The following CACNA2D3 variants were observed in gnomAD, a reference collection of about 807,000 sequenced individuals.
CACNA2D3 encodes voltage-dependent calcium channel subunit alpha-2/delta-3.
In CACNA2D3, 60 loss-of-function variants were observed where a neutral mutation model predicts 160.6. The observed-to-expected ratio is 0.37, with a 90% CI of 0.30 to 0.46. The LOEUF is 0.46. CACNA2D3 is among the 20% of genes least tolerant of loss of function. CACNA2D3 has a pLI of 1.00. For missense variants in CACNA2D3, 1,205 were observed against 1,365.0 expected (o/e 0.88, Z 1.85); for synonymous variants, 558 against 492.9 (o/e 1.13, Z -1.75).
chr3:54,618,907 T>C (rs1430094704), intron 9 of CACNA2D3, among the ~76,000 whole-genome samples: 2 of 152,164 alleles, frequency 1.3e-5, no homozygotes, highest in African/African-American at 4.8e-5. Context: ...TTGTAATGAA[T>C]TGAAACTGAC....
At chr3:55,073,673 G>GGAGA in intron 36 of CACNA2D3, 104 bp from the exon 37 acceptor site, 1 of 1,236,872 alleles carries the variant, frequency 8.1e-7, no homozygotes, top group Non-Finnish European at 1.2e-6. Flanking sequence ...TTCCACTGTT[G>GGAGA]GAGAGAGAGA....
rs60325921 is a variant in CACNA2D3, at chr3:54,308,435, C to A, written c.205-12007C>A. 8.1e-3 allele frequency among the ~76,000 whole-genome samples: 1,227 copies of A among 152,214 alleles called. 18 individuals carry two copies. The highest frequency in any genetic ancestry group is 0.062 in the East Asian group (322 of 5,162). ...TACACTTTCTCCACTCCCTCTCCCC[C>A]AATCGGCTGGCTGAATGTGGAAGAC... On this transcript the variant is annotated intron_variant, in intron 2 of 37. Coordinates refer to ENST00000474759, the MANE Select transcript of CACNA2D3 (RefSeq NM_018398.3).
intron 9 of CACNA2D3, among the ~76,000 whole-genome samples, chr3:54,614,234 C>T (rs934807209): frequency 7.9e-5 from 12 of 152,312 alleles, no homozygotes; most frequent in African/African-American, 1.9e-4. Context: ...GACCAGAGGA[C>T]GTTGTACCTA....
At chr3:54,421,129 C>T (rs997462920) in intron 4 of CACNA2D3, among the ~76,000 whole-genome samples, 4 of 152,160 alleles carry the variant, frequency 2.6e-5, no homozygotes, top group African/African-American at 7.2e-5. Context: ...AAGAGGCACC[C>T]GTGGTCAGAT....
At chr3:54,249,558 T>TACACAC (rs149515122) in intron 2 of CACNA2D3, among the ~76,000 whole-genome samples, 2,217 of 123,814 alleles carry the variant, frequency 0.018, 87 homozygotes, top group South Asian at 0.025. Context: ...TCTGTTTACG[T>TACACAC]ACACACACAC....
chr3:54,866,581 A>T (rs1246687413), intron 17 of CACNA2D3, among the ~76,000 whole-genome samples: 3 of 152,148 alleles, frequency 2.0e-5, no homozygotes, highest in Non-Finnish European at 4.4e-5. Context: ...TTATTAGCAC[A>T]CACAATATTT....
intron 4 of CACNA2D3, among the ~76,000 whole-genome samples, chr3:54,402,662 A>G (rs929106026): frequency 3.9e-5 from 6 of 152,246 alleles, no homozygotes; most frequent in Admixed American, 3.3e-4. Context: ...GGAGAAATAG[A>G]CAGCAATACA....
intron 4 of CACNA2D3, among the ~76,000 whole-genome samples, chr3:54,405,190 G>T (rs1245531597): frequency 6.7e-6 from 1 of 149,340 alleles, no homozygotes; most frequent in African/African-American, 2.5e-5. Flanking sequence ...AATCCCAATG[G>T]CATTCTTCAC....
intron 11 of CACNA2D3, among the ~76,000 whole-genome samples, chr3:54,664,512 T>A (rs979555114): frequency 6.6e-6 from 1 of 152,244 alleles, no homozygotes; most frequent in South Asian, 2.1e-4. Context: ...TGAAGCTAAT[T>A]TATCCAGGAG....
At chr3:54,812,596 A>G (rs1703347323) in intron 13 of CACNA2D3, among the ~76,000 whole-genome samples, 1 of 152,162 alleles carries the variant, frequency 6.6e-6, no homozygotes, top group African/African-American at 2.4e-5. Flanking sequence ...ACTCTTCCAT[A>G]AGGAGTCGTG....
intron 35 of CACNA2D3, among the ~76,000 whole-genome samples, chr3:55,036,000 G>A (rs958051565): frequency 4.6e-5 from 7 of 152,218 alleles, no homozygotes; most frequent in Non-Finnish European, 8.8e-5. Context: ...TTGCTGTGTA[G>A]ATACAACATC....
intron 9 of CACNA2D3, among the ~76,000 whole-genome samples, chr3:54,614,548 C>A (rs371946080): frequency 6.6e-6 from 1 of 152,196 alleles, no homozygotes; most frequent in African/African-American, 2.4e-5. Flanking sequence ...TTCTTCTTTG[C>A]CCTTTTACTT....
chr3:54,559,649 T>C (rs946496341), intron 5 of CACNA2D3, among the ~76,000 whole-genome samples: 8 of 152,316 alleles, frequency 5.3e-5, no homozygotes, highest in South Asian at 2.1e-4. Flanking sequence ...ATAGACACAC[T>C]TGTGTCATGG....
intron 2 of CACNA2D3, among the ~76,000 whole-genome samples, chr3:54,284,721 C>T (rs1338535702): frequency 6.6e-6 from 1 of 152,140 alleles, no homozygotes; most frequent in African/African-American, 2.4e-5. Context: ...CGTCCAATTA[C>T]CTGCTGCAAT....
intron 35 of CACNA2D3, among the ~76,000 whole-genome samples, chr3:55,022,900 G>A (rs1380872488): frequency 1.3e-5 from 2 of 151,852 alleles, no homozygotes; most frequent in African/African-American, 4.8e-5. Flanking sequence ...GTTCTACTGT[G>A]TTTTTAACCC....
intron 2 of CACNA2D3, among the ~76,000 whole-genome samples, chr3:54,293,024 A>C (rs894227548): frequency 2.0e-5 from 3 of 152,212 alleles, no homozygotes; most frequent in Non-Finnish European, 4.4e-5. Context: ...TACATGCTAC[A>C]ACATGGATAA....
chr3:54,831,903 G>A (rs1453310143), intron 14 of CACNA2D3, among the ~76,000 whole-genome samples: 1 of 152,000 alleles, frequency 6.6e-6, no homozygotes, highest in Non-Finnish European at 1.5e-5. Flanking sequence ...TAATGGAAAA[G>A]GGGCATTGGT....
At chr3:54,998,127 C>CT (rs752805359) in intron 31 of CACNA2D3, among the ~76,000 whole-genome samples, 27,886 of 126,974 alleles carry the variant, frequency 0.22, 3,307 homozygotes, top group East Asian at 0.32. Context: ...TCAATTAATT[C>CT]TTTTTTTTTT....
chr3:54,812,420 TG>T (rs1488572372), intron 13 of CACNA2D3, among the ~76,000 whole-genome samples: 1 of 151,988 alleles, frequency 6.6e-6, no homozygotes, highest in African/African-American at 2.4e-5. Flanking sequence ...GAGAAATAGG[TG>T]TTTGCCAGGC....
Sources: allele counts gnomAD v4.1 joint callset (sites outside exome capture counted in the v4.1 genomes callset), GRCh38; gene constraint gnomAD v4.1.1; transcripts MANE v1.5; gene names NCBI Gene and HGNC (gene_info 2026-07-23, HGNC 2026-07-21).